The following SLC25A27 variants were observed in gnomAD, a reference collection of about 807,000 sequenced individuals.
SLC25A27 encodes the protein solute carrier family 25 member 27, also known as mitochondrial uncoupling protein 4.
In SLC25A27, 35 loss-of-function variants were observed where a neutral mutation model predicts 49.1. That is an observed-to-expected ratio of 0.71 (90% confidence interval 0.54 to 0.95). SLC25A27 has a LOEUF of 0.95. Ranked by LOEUF, SLC25A27 falls within the 40% of genes least tolerant of loss-of-function variation. The pLI, the probability that SLC25A27 is intolerant of heterozygous loss-of-function variation, is 0.00. For synonymous variants in SLC25A27, 144 were observed against 136.9 expected (o/e 1.05, Z -0.36); for missense variants, 339 against 397.1 (o/e 0.85, Z 1.24).
chr6:46,676,487 G>C lies in SLC25A27; in HGVS notation c.*33G>C. ...AAGATGCAACCCTTAAAGATACAGT[G>C]TTCAGTATTATTGAAATATGGGCAT... On this transcript the variant is annotated 3_prime_UTR_variant, in exon 9 of 9. Coordinates refer to ENST00000371347, the MANE Select transcript of SLC25A27 (RefSeq NM_004277.5). 6.2e-7 allele frequency: 1 copy of C among 1,612,980 alleles called. No homozygotes were observed. Among genetic ancestry groups the C allele is most frequent in the Non-Finnish European group, 8.5e-7 (1 of 1,179,288 alleles).
chr6:46,676,191 A>G (rs1763780059), intron 8 of SLC25A27, among the ~76,000 whole-genome samples, 192 bp from the exon 9 acceptor site: 1 of 152,214 alleles, frequency 6.6e-6, no homozygotes. Context: ...GTTTAGAGAA[A>G]TCTGTGATAT....
At chr6:46,656,056 G>A (rs918301172) in intron 2 of SLC25A27, 22 bp downstream of exon 2, 10 of 1,583,098 alleles carry the variant, frequency 6.3e-6, no homozygotes, top group Non-Finnish European at 8.6e-6. Flanking sequence ...GATTCTAGCT[G>A]GTAAGTTTGT....
Position 46,676,686 on chromosome 6 carries a change from C to T in SLC25A27, c.*232C>T, listed in dbSNP as rs747819965. On this transcript the variant is annotated 3_prime_UTR_variant, in exon 9 of 9. Transcript: ENST00000371347. ...CTCACAAGGCCATCCAATGAGACCC[C>T]GCACAGCATTTTCTAAAGAAGAATC... The T allele has an allele frequency of 4.9e-5, 76 of 1,550,362 alleles. No individual in the cohort carries two copies. Among genetic ancestry groups the T allele is most frequent in the East Asian group, 7.3e-5 (3 of 40,932 alleles).
rs1763837417 is a variant in SLC25A27, at chr6:46,677,470, C to T, written c.*1016C>T. On this transcript the variant is annotated 3_prime_UTR_variant, in exon 9 of 9. Coordinates refer to ENST00000371347, the MANE Select transcript of SLC25A27 (RefSeq NM_004277.5). ...TCTAGAGAGGCAGAGAGAGCACTCA[C>T]AAATCACACTAAAACTGCCAGCGGC... The T allele has an allele frequency of 6.6e-6, 1 of 152,172 alleles. No individual in the cohort carries two copies. 9.4% of individuals were successfully genotyped at this position (152,172 alleles called of 1,614,324 possible).
At position 46,678,030 on chromosome 6, in the gene SLC25A27, T is replaced by TCATATATA. The variant is rs1341548657; in HGVS notation, c.*1576_*1577insCATATATA. On this transcript the variant is annotated 3_prime_UTR_variant, in exon 9 of 9. Transcript: ENST00000371347. ...CAATATGTAATTGCGTTGTAAAATA[T>TCATATATA]TATATATATATATATATATATATAT... 1 of 100,630 alleles carries TCATATATA rather than the reference T, an allele frequency of 9.9e-6. No individual in the cohort carries two copies. The highest frequency in any genetic ancestry group is 3.8e-4 in the East Asian group (1 of 2,630). The allele number at this position is 100,630 out of a possible 1,614,324, so 6.2% of individuals were successfully genotyped here. A position where few individuals can be genotyped will look rare whatever the true frequency, so the allele number is the denominator to read the frequency against.
At chr6:46,668,480 G>T (rs1763395641) in intron 5 of SLC25A27, among the ~76,000 whole-genome samples, 1 of 152,186 alleles carries the variant, frequency 6.6e-6, no homozygotes, top group Non-Finnish European at 1.5e-5. Flanking sequence ...CCCAGGGGTT[G>T]AGCTGAATTT....
rs996876 is a variant in SLC25A27 at position 46,653,000 on chromosome 6, G to A, written c.-193G>A. 2 of 602,562 alleles carry A rather than the reference G, an allele frequency of 3.3e-6. No individual in the cohort carries two copies. The highest frequency in any genetic ancestry group is 5.9e-6 in the Non-Finnish European group (2 of 340,620). The allele number at this position is 602,562 out of a possible 1,614,324, so 37.3% of individuals were successfully genotyped here. ...GTGTTTTTCTATTCTGGGGTGTAAG[G>A]GGCAGCTGGACCACTCCAGCTGGGA... is the stretch of plus-strand genomic sequence containing the variant. On this transcript the variant is annotated 5_prime_UTR_variant, in exon 1 of 9. Coordinates refer to ENST00000371347, the MANE Select transcript of SLC25A27 (RefSeq NM_004277.5).
chr6:46,653,170 T>C lies in SLC25A27; in HGVS notation c.-23T>C, dbSNP rs373496865. The C allele has an allele frequency of 1.9e-6, 3 of 1,603,596 alleles. No homozygotes were observed. The African/African-American group carries it at 4.0e-5, about 21-fold the overall frequency. On this transcript the variant is annotated 5_prime_UTR_variant, in exon 1 of 9. Coordinates refer to ENST00000371347, the MANE Select transcript of SLC25A27 (RefSeq NM_004277.5). ...CAGCGCAGCGGCGAGAAGGAGTGCG[T>C]TATCGTCTTGCGCTACTGCTGAATG...
intron 8 of SLC25A27, among the ~76,000 whole-genome samples, chr6:46,674,161 G>T (rs951764536): frequency 1.3e-5 from 2 of 152,014 alleles, no homozygotes; most frequent in East Asian, 1.9e-4. Context: ...TTAATCCTTT[G>T]TCTTTATACA....
In SLC25A27 at chr6:46,653,170, T is replaced by TTATCGTCTTGCGC. The variant is rs764158211; in HGVS notation, c.-20_-8dup. On this transcript the variant is annotated 5_prime_UTR_variant, in exon 1 of 9. Coordinates refer to ENST00000371347, the MANE Select transcript of SLC25A27 (RefSeq NM_004277.5). ...CAGCGCAGCGGCGAGAAGGAGTGCG[T>TTATCGTCTTGCGC]TATCGTCTTGCGCTACTGCTGAATG... 1.4e-5 allele frequency: 22 copies of TTATCGTCTTGCGC among 1,603,596 alleles called. No homozygotes were observed. Among genetic ancestry groups the TTATCGTCTTGCGC allele is most frequent in the Middle Eastern group, 3.3e-4 (2 of 6,070 alleles).
intron 1 of SLC25A27, 85 bp downstream of exon 1, chr6:46,653,383 CAG>C (rs1359503522): frequency 6.8e-7 from 1 of 1,478,000 alleles, no homozygotes; most frequent in East Asian, 2.5e-5. Context: ...TCGCGCCCGG[CAG>C]TGCGCATCGG....
At position 46,676,716 on chromosome 6, in the gene SLC25A27, C is replaced by A. The variant is rs771776323; in HGVS notation, c.*262C>A. 15 of 1,543,488 alleles carry A rather than the reference C, an allele frequency of 9.7e-6. No homozygotes were observed. The highest frequency in any genetic ancestry group is 1.3e-5 in the Non-Finnish European group (15 of 1,140,680). ...AGCATTTTCTAAAGAAGAATCGAAG[C>A]CTGACCACTTTCACCTTGGGCAAGA... On this transcript the variant is annotated 3_prime_UTR_variant, in exon 9 of 9. Transcript: ENST00000371347.
rs754577532 is a variant in SLC25A27, at chr6:46,653,161, A to G, written c.-32A>G. On this transcript the variant is annotated 5_prime_UTR_variant, in exon 1 of 9. Transcript: ENST00000371347. ...GGCGCGGTGCAGCGCAGCGGCGAGA[A>G]GGAGTGCGTTATCGTCTTGCGCTAC... 1.3e-6 allele frequency: 2 copies of G among 1,585,202 alleles called. No homozygotes were observed. The highest frequency in any genetic ancestry group is 1.7e-6 in the Non-Finnish European group (2 of 1,156,818).
intron 8 of SLC25A27, 32 bp downstream of exon 8, chr6:46,671,260 T>A: frequency 8.0e-7 from 1 of 1,256,894 alleles, no homozygotes; most frequent in South Asian, 1.4e-5. Context: ...TTGTTTTTTT[T>A]CTTTGTACTT....
intron 1 of SLC25A27, among the ~76,000 whole-genome samples, chr6:46,655,531 G>GTTTTTTTTTTTTT (rs1283936753): frequency 4.1e-5 from 4 of 98,546 alleles, no homozygotes; most frequent in Admixed American, 9.5e-5. Context: ...TATTGTTAAT[G>GTTTTTTTTTTTTT]TTTGTTTTTT....
chr6:46,655,967 G>A lies in SLC25A27; in HGVS notation c.231G>A (p.Gly77=), dbSNP rs1239759578. The change falls in exon 2 of 9, where the codon GGG becomes GGA. Residue 77 remains glycine (G), a synonymous_variant. Transcript: ENST00000371347. ...PYRGMVRTAL[G]IIEEEGFLKL... ...GGGGAATGGTGCGCACAGCTCTAGGGATCATTGAAGAGGAAGGCTTTCTAA... is the reference window on the plus strand; with the variant it reads ...GGGGAATGGTGCGCACAGCTCTAGGAATCATTGAAGAGGAAGGCTTTCTAA... The A allele has an allele frequency of 1.2e-6, 2 of 1,613,434 alleles. No individual in the cohort carries two copies. Among genetic ancestry groups the A allele is most frequent in the Non-Finnish European group, 1.7e-6 (2 of 1,179,738 alleles).
At chr6:46,674,203 A>G (rs1219210673) in intron 8 of SLC25A27, among the ~76,000 whole-genome samples, 1 of 152,156 alleles carries the variant, frequency 6.6e-6, no homozygotes, top group African/African-American at 2.4e-5. Flanking sequence ...AAGGAAAAAA[A>G]GAGTACTTAA....
At chr6:46,669,529 C>A (rs1308548613) in intron 6 of SLC25A27, among the ~76,000 whole-genome samples, 1 of 152,174 alleles carries the variant, frequency 6.6e-6, no homozygotes, top group Non-Finnish European at 1.5e-5. Flanking sequence ...TAAAAGTAGA[C>A]AACCCTAAAA....
intron 8 of SLC25A27, among the ~76,000 whole-genome samples, chr6:46,673,010 A>G (rs1763613737): frequency 6.6e-6 from 1 of 152,188 alleles, no homozygotes; most frequent in Non-Finnish European, 1.5e-5. Flanking sequence ...AATTATGTCA[A>G]AACTGTGGTT....
Sources: gnomAD v4.1 joint callset for allele counts (sites outside exome capture counted in the v4.1 genomes callset) on GRCh38, gnomAD v4.1.1 for gene constraint, MANE v1.5 for transcripts, NCBI Gene and HGNC (gene_info 2026-07-23, HGNC 2026-07-21) for gene names.